The following TMTC1 variants were observed in gnomAD, a reference collection of about 807,000 sequenced individuals.
The protein encoded by TMTC1 is protein O-mannosyl-transferase TMTC1.
A neutral mutation model predicts 104.8 loss-of-function variants in TMTC1; 73 were observed. The observed-to-expected ratio is 0.70, with a 90% confidence interval of 0.58 to 0.85. TMTC1 has a LOEUF of 0.85. TMTC1 is among the 40% of genes least tolerant of loss of function. The pLI, the probability that TMTC1 is intolerant of heterozygous loss-of-function variation, is 0.00. For missense variants in TMTC1, 1,035 were observed against 1,096.1 expected, an observed-to-expected ratio of 0.94 and a Z score of 0.79; for synonymous variants, 434 against 428.7, an observed-to-expected ratio of 1.01 and a Z score of -0.15.
chr12:29,715,645 A>G (rs1942055234), intron 5 of TMTC1, among the ~76,000 whole-genome samples: 1 of 152,158 alleles, frequency 6.6e-6, no homozygotes, highest in Non-Finnish European at 1.5e-5. Context: ...GTCCATTCTC[A>G]TGCTGCTATG....
At chr12:29,715,180 A>T (rs1313805605) in intron 5 of TMTC1, among the ~76,000 whole-genome samples, 3 of 152,174 alleles carry the variant, frequency 2.0e-5, no homozygotes, top group Non-Finnish European at 4.4e-5. Flanking sequence ...AACAAAATTG[A>T]AGCAGAATTT....
chr12:29,546,681 C>A (rs1944950724), intron 10 of TMTC1, among the ~76,000 whole-genome samples: 1 of 152,112 alleles, frequency 6.6e-6, no homozygotes, highest in African/African-American at 2.4e-5. Context: ...ACTTGGTACC[C>A]TAAAGTAAGA....
intron 6 of TMTC1, among the ~76,000 whole-genome samples, chr12:29,606,975 C>A (rs899496732): frequency 1.9e-5 from 1 of 53,244 alleles, no homozygotes; most frequent in Non-Finnish European, 4.3e-5. Context: ...ACCTTCCTGC[C>A]CCCCCCCCTC....
intron 5 of TMTC1, among the ~76,000 whole-genome samples, chr12:29,719,704 A>G (rs1184563072): frequency 2.6e-5 from 4 of 152,232 alleles, no homozygotes; most frequent in Non-Finnish European, 5.9e-5. Context: ...CTTTTTAGAA[A>G]GCTCAACTAC....
At chr12:29,544,135 C>T (rs914747900) in intron 10 of TMTC1, among the ~76,000 whole-genome samples, 1 of 151,308 alleles carries the variant, frequency 6.6e-6, no homozygotes, top group Admixed American at 6.6e-5. Flanking sequence ...CCCAGCTACT[C>T]GGGAGGCTGA....
chr12:29,662,864 C>T (rs749213777), intron 5 of TMTC1, among the ~76,000 whole-genome samples: 3 of 151,952 alleles, frequency 2.0e-5, no homozygotes, highest in South Asian at 2.1e-4. Flanking sequence ...GTGGAGAAAA[C>T]GAGGAGTCCA....
At chr12:29,742,360 T>C (rs1008884643) in intron 5 of TMTC1, among the ~76,000 whole-genome samples, 1 of 152,182 alleles carries the variant, frequency 6.6e-6, no homozygotes, top group Non-Finnish European at 1.5e-5. Flanking sequence ...AAGACTTATA[T>C]AGGTTAAATC....
At chr12:29,669,861 T>G (rs1252660173) in intron 5 of TMTC1, among the ~76,000 whole-genome samples, 1 of 152,228 alleles carries the variant, frequency 6.6e-6, no homozygotes, top group Non-Finnish European at 1.5e-5. Flanking sequence ...TTGAGATATA[T>G]TCATGAAGTG....
intron 5 of TMTC1, among the ~76,000 whole-genome samples, chr12:29,725,832 A>T (rs1327268848): frequency 6.6e-6 from 1 of 152,260 alleles, no homozygotes; most frequent in Non-Finnish European, 1.5e-5. Flanking sequence ...TCCTGAGAAA[A>T]AACAATAACA....
intron 5 of TMTC1, among the ~76,000 whole-genome samples, chr12:29,714,629 C>T (rs1348027742): frequency 6.6e-6 from 1 of 152,132 alleles, no homozygotes; most frequent in Admixed American, 6.6e-5. Context: ...TTTTACCTCA[C>T]AGAACCTCCC....
intron 5 of TMTC1, among the ~76,000 whole-genome samples, chr12:29,644,366 G>C (rs1939172109): frequency 1.3e-5 from 2 of 151,632 alleles, no homozygotes; most frequent in South Asian, 4.2e-4. Flanking sequence ...TTGGGGGGAA[G>C]AGTGTGAGAG....
intron 5 of TMTC1, among the ~76,000 whole-genome samples, chr12:29,703,221 A>G (rs949842952): frequency 6.6e-6 from 1 of 152,124 alleles, no homozygotes; most frequent in Non-Finnish European, 1.5e-5. Context: ...GGAAAAAAAC[A>G]AAATAAGGAA....
chr12:29,580,041 G>C (rs548570242), intron 8 of TMTC1, among the ~76,000 whole-genome samples: 7 of 152,134 alleles, frequency 4.6e-5, no homozygotes, highest in African/African-American at 7.2e-5. Flanking sequence ...TAAGGTTCTT[G>C]CTGATAGAAA....
At chr12:29,625,583 G>A (rs760720093) in intron 6 of TMTC1, among the ~76,000 whole-genome samples, 1 of 152,190 alleles carries the variant, frequency 6.6e-6, no homozygotes, top group African/African-American at 2.4e-5. Context: ...CCCACAGCTG[G>A]AATGTTCTGC....
intron 5 of TMTC1, among the ~76,000 whole-genome samples, chr12:29,643,056 T>C (rs936200992): frequency 3.9e-5 from 6 of 151,980 alleles, no homozygotes; most frequent in African/African-American, 1.5e-4. Flanking sequence ...TCAACATCAC[T>C]AATGATCGGG....
At chr12:29,743,545 A>G (rs774812032) in intron 5 of TMTC1, among the ~76,000 whole-genome samples, 24 of 152,196 alleles carry the variant, frequency 1.6e-4, no homozygotes, top group Non-Finnish European at 3.4e-4. Flanking sequence ...TTAAGCATGT[A>G]TATTTTTAAG....
In TMTC1 at chr12:29,758,688, T is replaced by A; in HGVS notation, c.554+16A>T. The A allele has an allele frequency of 6.2e-7, 1 of 1,612,456 alleles. No homozygotes were observed. The highest frequency in any genetic ancestry group is 8.5e-7 in the Non-Finnish European group (1 of 1,179,056). On this transcript the variant is annotated intron_variant, in intron 3 of 17. Coordinates refer to ENST00000539277, the MANE Select transcript of TMTC1 (RefSeq NM_001193451.2). ...CAGTTGCGATCACAGAGAAGGGCAT[T>A]CTTAGCTACACATACCTGTTGTACG... is the stretch of plus-strand genomic sequence containing the variant.
At chr12:29,691,859 G>A (rs11050379) in intron 5 of TMTC1, among the ~76,000 whole-genome samples, 40,340 of 144,048 alleles carry the variant, frequency 0.28, 9,542 homozygotes, top group Admixed American at 0.39. Context: ...AACACTAAGA[G>A]GCTCCAATGG....
intron 11 of TMTC1, among the ~76,000 whole-genome samples, chr12:29,522,319 T>C (rs2136163123): frequency 6.6e-6 from 1 of 152,296 alleles, no homozygotes; most frequent in African/African-American, 2.4e-5. Flanking sequence ...ACCAATGCCA[T>C]CTATTTGAGT....
Sources: gnomAD v4.1 joint callset for allele counts (sites outside exome capture counted in the v4.1 genomes callset) on GRCh38, gnomAD v4.1.1 for gene constraint, MANE v1.5 for transcripts, NCBI Gene and HGNC (gene_info 2026-07-23, HGNC 2026-07-21) for gene names.